Variants in GEMIN5 observed in about 807,000 individuals in gnomAD.
The protein encoded by GEMIN5 is gem-associated protein 5.
GEMIN5 carries 124 observed loss-of-function variants against 176.9 expected under a neutral mutation model. The ratio of observed to expected loss-of-function variants is 0.70; its 90% CI spans 0.61 to 0.81. The LOEUF (loss-of-function observed/expected upper bound fraction) is 0.81. GEMIN5 is among the 40% of genes least tolerant of loss of function. The probability of loss-of-function intolerance (pLI) is 0.00; values close to 1 mark genes in which losing one functional copy is unlikely to be tolerated. For missense variants in GEMIN5, 1,843 were observed against 1,814.6 expected (o/e 1.02, Z -0.28); for synonymous variants, 673 against 665.2 (o/e 1.01, Z -0.18).
At chr5:154,928,505 A>G (rs568582580) in intron 6 of GEMIN5, 22 bp downstream of exon 6, 4 of 1,612,466 alleles carry the variant, frequency 2.5e-6, no homozygotes, top group Non-Finnish European at 3.4e-6. Context: ...TATCTGAGAA[A>G]GCATGACCAA....
rs777268900 is a variant in GEMIN5 at position 154,903,193 on chromosome 5, C to CA, written c.2633-19dup. The CA allele has an allele frequency of 3.3e-6, 5 of 1,502,090 alleles. No individual in the cohort carries two copies. The highest frequency in any genetic ancestry group is 1.7e-5 in the Admixed American group (1 of 57,960). 93.0% of individuals were successfully genotyped at this position (1,502,090 alleles called of 1,614,324 possible). A position where few individuals can be genotyped will look rare whatever the true frequency, so the allele number is the denominator to read the frequency against. ...ATTCAGCTCTGTTAATTTAAAAAGGCAAAAAAATCAGATGAAGTCATTACA... is the reference window on the plus strand; with the variant it reads ...ATTCAGCTCTGTTAATTTAAAAAGGCAAAAAAAATCAGATGAAGTCATTACA... On this transcript the variant is annotated intron_variant, in intron 18 of 27. Transcript: ENST00000285873.
intron 1 of GEMIN5, among the ~76,000 whole-genome samples, chr5:154,937,541 T>C (rs913762408): frequency 6.6e-5 from 10 of 152,214 alleles, no homozygotes; most frequent in African/African-American, 2.4e-4. Flanking sequence ...AATCAAAGCC[T>C]AGTTTGGAGC....
intron 22 of GEMIN5, 29 bp downstream of exon 22, chr5:154,899,162 G>A (rs775217520): frequency 2.5e-6 from 4 of 1,585,524 alleles, no homozygotes; most frequent in Non-Finnish European, 3.4e-6. Flanking sequence ...CTCCTATGTT[G>A]GAAGCATCCC....
chr5:154,907,533 C>T (rs1403054715), intron 16 of GEMIN5, 58 bp downstream of exon 16: 2 of 1,241,880 alleles, frequency 1.6e-6, no homozygotes, highest in Non-Finnish European at 2.4e-6. Context: ...AAGGACCTAG[C>T]TTAGTTTCCC....
intron 11 of GEMIN5, among the ~76,000 whole-genome samples, chr5:154,918,361 A>G (rs936165134): frequency 6.6e-6 from 1 of 152,214 alleles, no homozygotes; most frequent in Non-Finnish European, 1.5e-5. Flanking sequence ...CTTGTTTTCT[A>G]TCCCTTCAAA....
intron 15 of GEMIN5, among the ~76,000 whole-genome samples, chr5:154,908,477 G>A (rs181617405): frequency 1.6e-4 from 25 of 152,118 alleles, no homozygotes; most frequent in African/African-American, 5.1e-4. Flanking sequence ...CACCACGCCC[G>A]GCCTACCCAG....
intron 21 of GEMIN5, among the ~76,000 whole-genome samples, chr5:154,899,947 G>A (rs1374790477): frequency 1.3e-5 from 2 of 150,598 alleles, no homozygotes; most frequent in African/African-American, 4.9e-5. Context: ...AAAAAAAAAT[G>A]ACTAACATAA....
chr5:154,938,162 C>A lies in GEMIN5; in HGVS notation c.-29G>T, dbSNP rs1764312716. The A allele has an allele frequency of 3.7e-6, 5 of 1,343,480 alleles. No individual in the cohort carries two copies. The highest frequency in any genetic ancestry group is 4.8e-6 in the Non-Finnish European group (5 of 1,040,278). 83.2% of individuals were successfully genotyped at this position (1,343,480 alleles called of 1,614,324 possible). A position where few individuals can be genotyped will look rare whatever the true frequency, so the allele number is the denominator to read the frequency against. ...TACAAGCCGTCAGAGACAAGAGAAG[C>A]TGCCACAGCCGACCGCTCGTAGCCT... On this transcript the variant is annotated 5_prime_UTR_variant, in exon 1 of 28. Coordinates refer to ENST00000285873, the MANE Select transcript of GEMIN5 (RefSeq NM_015465.5).
intron 16 of GEMIN5, among the ~76,000 whole-genome samples, chr5:154,907,161 G>A (rs912966325): frequency 2.0e-5 from 3 of 152,114 alleles, no homozygotes; most frequent in Non-Finnish European, 4.4e-5. Context: ...CAAACTCCAC[G>A]TAAGGGGGTG....
Position 154,937,977 on chromosome 5 carries a change from G to A in GEMIN5, c.157C>T (p.Pro53Ser), listed in dbSNP as rs1160719788. 2.5e-6 allele frequency: 4 copies of A among 1,573,844 alleles called. No homozygotes were observed. Among genetic ancestry groups the A allele is most frequent in the Non-Finnish European group, 3.4e-6 (4 of 1,162,342 alleles). Residue 53 changes from proline (P) to serine (S), a missense_variant, in exon 1 of 28, where the codon CCG becomes TCG. Transcript: ENST00000285873. Reference protein sequence around the residue: ...PGAGESPGTPPFRVIGELVGH... With the variant: ...PGAGESPGTPSFRVIGELVGH... ...AAGGGTGGTGAGTTACCTCGAAACG[G>A]GGGTGTCCCTGGACTCTCGCCTGCG...
In GEMIN5 at chr5:154,912,903, G is replaced by C; in HGVS notation, c.1991C>G (p.Ala664Gly). 2 of 1,613,334 alleles carry C rather than the reference G, an allele frequency of 1.2e-6. No individual in the cohort carries two copies. Among genetic ancestry groups the C allele is most frequent in the Non-Finnish European group, 1.7e-6 (2 of 1,179,520 alleles). Residue 664 changes from alanine (A) to glycine (G), a missense_variant, in exon 14 of 28, where the codon GCC (alanine) becomes GGC (glycine). Ala to Gly is a moderately conservative substitution (Grantham distance 60). Transcript: ENST00000285873. ...RLVSASYDGT[A>G]QVWDALREEP... Reference sequence around the variant, plus strand: ...GGGACAAGGACACAATAGTACCTGGGCTGTACCATCATAGGAAGCAGATAC... The same window carrying C: ...GGGACAAGGACACAATAGTACCTGGCCTGTACCATCATAGGAAGCAGATAC...
At chr5:154,929,639 C>T (rs762783863) in intron 5 of GEMIN5, among the ~76,000 whole-genome samples, 4 of 152,234 alleles carry the variant, frequency 2.6e-5, no homozygotes, top group African/African-American at 4.8e-5. Context: ...GGCCATTTTA[C>T]CAGACACCTC....
Position 154,928,526 on chromosome 5 carries a change from C to T in GEMIN5, c.914+1G>A. The T allele has an allele frequency of 1.2e-6, 2 of 1,613,790 alleles. No homozygotes were observed. Among genetic ancestry groups the T allele is most frequent in the African/African-American group, 1.3e-5 (1 of 75,014 alleles). ...AGAAAGCATGACCAAAAAAGACTTA[C>T]CCAAAACAGCTAGATACCAGCTGTG... On this transcript the variant is annotated splice_donor_variant, in intron 6 of 27. Transcript: ENST00000285873. LOFTEE classifies it high-confidence loss of function.
Position 154,911,895 on chromosome 5 carries a change from A to G in GEMIN5, c.1999T>C (p.Trp667Arg). 5 of 1,613,712 alleles carry G rather than the reference A, an allele frequency of 3.1e-6. No individual in the cohort carries two copies. Among genetic ancestry groups the G allele is most frequent in the Non-Finnish European group, 4.2e-6 (5 of 1,179,762 alleles). ...SASYDGTAQV[W>R]DALREEPLCN... is the part of the protein sequence containing the mutation. ...AGGGGCTCTTCCCGGAGAGCATCCCACACCTAAACCCAAAAGCACATGGCC... is the reference window on the plus strand; with the variant it reads ...AGGGGCTCTTCCCGGAGAGCATCCCGCACCTAAACCCAAAAGCACATGGCC... The change falls in exon 15 of 28, where the codon TGG (tryptophan) becomes CGG (arginine). Residue 667 changes from tryptophan (W) to arginine (R), a missense_variant. By Grantham distance (101) the Trp-to-Arg change is moderately radical (BLOSUM62 -3). Coordinates refer to ENST00000285873, the MANE Select transcript of GEMIN5 (RefSeq NM_015465.5).
chr5:154,905,035 A>G (rs1268307104), intron 17 of GEMIN5, among the ~76,000 whole-genome samples: 1 of 152,174 alleles, frequency 6.6e-6, no homozygotes, highest in Non-Finnish European at 1.5e-5. Context: ...TCTACTAAAA[A>G]TAACAAAAGT....
chr5:154,896,265 A>C lies in GEMIN5; in HGVS notation c.3424T>G (p.Ser1142Ala), dbSNP rs201313338. Reference protein sequence around the residue: ...EEKQLSEGKSSSSYHTWNTGT... With the variant: ...EEKQLSEGKSASSYHTWNTGT... ...GTGTTCCAAGTGTGGTAAGAGGAGGAGCTTTTGCCCTCTGAAAGCTGCTTT... is the reference window on the plus strand; with the variant it reads ...GTGTTCCAAGTGTGGTAAGAGGAGGCGCTTTTGCCCTCTGAAAGCTGCTTT... The change falls in exon 24 of 28, where the codon TCC (serine) becomes GCC (alanine). Residue 1142 changes from serine to alanine, a missense_variant. Physicochemically the swap from Ser to Ala is moderately conservative, Grantham distance 99 (BLOSUM62 1). Coordinates refer to ENST00000285873, the MANE Select transcript of GEMIN5 (RefSeq NM_015465.5). 3 of 1,613,444 alleles carry C rather than the reference A, an allele frequency of 1.9e-6. No homozygotes were observed. In the Admixed American group the frequency reaches 5.0e-5, roughly 27 times the overall value.
chr5:154,907,268 T>A (rs535515740), intron 16 of GEMIN5, among the ~76,000 whole-genome samples: 1 of 152,354 alleles, frequency 6.6e-6, no homozygotes, highest in South Asian at 2.1e-4. Context: ...GATGTCATAC[T>A]GTTAAAACTT....
At chr5:154,926,838 G>A (rs1008951317) in intron 7 of GEMIN5, among the ~76,000 whole-genome samples, 2 of 152,190 alleles carry the variant, frequency 1.3e-5, no homozygotes, top group Non-Finnish European at 2.9e-5. Flanking sequence ...GAGGTCAGGA[G>A]ATCGAGGCCA....
Position 154,913,046 on chromosome 5 carries a change from G to A in GEMIN5, c.1856-8C>T, listed in dbSNP as rs1450553358. ...GAGACTCAGGGCTGCTCTCTAAAAG[G>A]CAAAGGAAAGACATCACTGCTGCTA... On this transcript the variant is annotated splice_polypyrimidine_tract_variant and splice_region_variant and intron_variant, in intron 13 of 27. Transcript: ENST00000285873. The A allele has an allele frequency of 1.3e-6, 2 of 1,599,726 alleles. No individual in the cohort carries two copies. Among genetic ancestry groups the A allele is most frequent in the Non-Finnish European group, 1.7e-6 (2 of 1,173,048 alleles).
Sources: gnomAD v4.1 joint callset for allele counts (sites outside exome capture counted in the v4.1 genomes callset) on GRCh38, gnomAD v4.1.1 for gene constraint, MANE v1.5 for transcripts, NCBI Gene and HGNC (gene_info 2026-07-23, HGNC 2026-07-21) for gene names.